Variants in ENOX2 observed in about 807,000 individuals in gnomAD.
ENOX2 encodes ecto-NOX disulfide-thiol exchanger 2.
A neutral mutation model predicts 45.0 loss-of-function variants in ENOX2; 36 were observed. The ratio of observed to expected loss-of-function variants is 0.80; its 90% confidence interval spans 0.61 to 1.06. The LOEUF is 1.06. ENOX2 is among the 50% of genes least tolerant of loss of function. The probability of loss-of-function intolerance (pLI) is 0.00; values close to 1 mark genes in which losing one functional copy is unlikely to be tolerated. For missense variants in ENOX2, 423 were observed against 462.5 expected (o/e 0.91, Z 0.78); for synonymous variants, 174 against 152.3 (o/e 1.14, Z -1.05).
chrX:130,839,613 C>A (rs2077981099), intron 2 of ENOX2, among the ~76,000 whole-genome samples: 1 of 111,390 alleles, frequency 9.0e-6, no homozygotes, highest in African/African-American at 3.3e-5. Context: ...TTATGCTTTA[C>A]AAAGATTATC....
chrX:130,824,045 T>A (rs1297225599), intron 2 of ENOX2, among the ~76,000 whole-genome samples: 1 of 112,249 alleles, frequency 8.9e-6, no homozygotes, highest in Non-Finnish European at 1.9e-5. Context: ...ATAAAACAAT[T>A]TCTTCACTTT....
chrX:130,716,993 A>G (rs1324754832), intron 3 of ENOX2, among the ~76,000 whole-genome samples: 1 of 112,225 alleles, frequency 8.9e-6, no homozygotes, highest in African/African-American at 3.2e-5. Flanking sequence ...GTTAAAAAAT[A>G]AAAGGCGTCT....
intron 10 of ENOX2, among the ~76,000 whole-genome samples, chrX:130,638,995 C>A (rs889261340): frequency 1.8e-5 from 2 of 111,192 alleles, no homozygotes; most frequent in Non-Finnish European, 3.8e-5. Flanking sequence ...TTGGAAAAAA[C>A]AAACAAACAA....
intron 9 of ENOX2, 110 bp downstream of exon 9, chrX:130,665,533 G>A (rs775246251): frequency 3.4e-5 from 18 of 534,246 alleles, no homozygotes; most frequent in Admixed American, 5.5e-5. Context: ...GGGCCTTATT[G>A]TGACCATGGG....
At chrX:130,656,966 T>C (rs1447102445) in intron 9 of ENOX2, among the ~76,000 whole-genome samples, 1 of 111,560 alleles carries the variant, frequency 9.0e-6, no homozygotes. Context: ...AGACAGTATT[T>C]TTGGCCATGA....
chrX:130,710,658 C>T lies in ENOX2; in HGVS notation c.-38-7404G>A, dbSNP rs138779185. Among the ~76,000 whole-genome samples, 441 of 111,769 alleles carry T rather than the reference C, an allele frequency of 3.9e-3. 2 individuals carry two copies. Among genetic ancestry groups the T allele is most frequent in the African/African-American group, 0.014 (426 of 30,727 alleles). On this transcript the variant is annotated intron_variant, in intron 3 of 14. Transcript: ENST00000394363. Reference sequence around the variant, plus strand: ...TTCTTACTGGAGAACGCCTTATACCCCTGGTTTCTTCCATAATCCTTTCCC... The same window carrying T: ...TTCTTACTGGAGAACGCCTTATACCTCTGGTTTCTTCCATAATCCTTTCCC...
chrX:130,640,047 T>G (rs925166103), intron 10 of ENOX2, among the ~76,000 whole-genome samples: 4 of 112,036 alleles, frequency 3.6e-5, no homozygotes, highest in Admixed American at 2.8e-4. Context: ...TCCTAGTTCA[T>G]AGATGGTAAC....
chrX:130,768,724 T>C (rs2039672502), intron 3 of ENOX2, among the ~76,000 whole-genome samples: 1 of 111,944 alleles, frequency 8.9e-6, no homozygotes. Context: ...GGGCTGCCAC[T>C]AACTTGCAAA....
In ENOX2 at chrX:130,869,205, T is replaced by C. The variant is rs779523963; in HGVS notation, c.-183+32479A>G. Among the ~76,000 whole-genome samples, 15 of 111,128 alleles carry C rather than the reference T, an allele frequency of 1.3e-4. No homozygotes were observed. In the South Asian group the frequency reaches 4.9e-3, roughly 36 times the overall value. ...GGACTACTGCAAATAGCCTTATAAC[T>C]GATCTTTCTGCCTCCATTTTTCACA... On this transcript the variant is annotated intron_variant, in intron 2 of 14. Transcript: ENST00000394363.
In ENOX2 at chrX:130,891,500, T is replaced by G. The variant is rs993480582; in HGVS notation, c.-183+10184A>C. On this transcript the variant is annotated intron_variant, in intron 2 of 14. Transcript: ENST00000394363. ...ATACAACACTATATGGTTTTTTTTT[T>G]TTTTTTTTTTTTTTTTTTGAGAAAG... 2.2e-4 allele frequency among the ~76,000 whole-genome samples: 20 copies of G among 92,517 alleles called. 1 individual carries two copies. Among genetic ancestry groups the G allele is most frequent in the African/African-American group, 5.2e-4 (13 of 24,796 alleles). 80.3% of individuals were successfully genotyped at this position (92,517 alleles called of 115,157 possible).
intron 2 of ENOX2, among the ~76,000 whole-genome samples, chrX:130,796,176 G>C (rs2077122753): frequency 9.0e-6 from 1 of 110,526 alleles, no homozygotes; most frequent in Non-Finnish European, 1.9e-5. Flanking sequence ...AGTGGCAGTG[G>C]GATGAAAAAA....
intron 2 of ENOX2, among the ~76,000 whole-genome samples, chrX:130,843,279 C>A (rs1247064053): frequency 9.0e-6 from 1 of 111,147 alleles, no homozygotes; most frequent in Non-Finnish European, 1.9e-5. Context: ...TATCCAGTAA[C>A]CGAGCCCTAC....
intron 3 of ENOX2, among the ~76,000 whole-genome samples, chrX:130,774,671 T>C: frequency 8.9e-6 from 1 of 112,026 alleles, no homozygotes; most frequent in Non-Finnish European, 1.9e-5. Context: ...AATGCTGAAA[T>C]GGCAGCAGAA....
intron 3 of ENOX2, among the ~76,000 whole-genome samples, chrX:130,719,522 C>T (rs1182233651): frequency 9.1e-6 from 1 of 110,348 alleles, no homozygotes; most frequent in Admixed American, 9.7e-5. Flanking sequence ...TTTGACCTTT[C>T]AGGTTGTAAG....
chrX:130,851,461 CT>C (rs746764945), intron 2 of ENOX2, among the ~76,000 whole-genome samples: 27 of 105,794 alleles, frequency 2.6e-4, no homozygotes, highest in African/African-American at 8.6e-4. Flanking sequence ...TTTTTTTTTT[CT>C]TTTTTTTCCT....
chrX:130,899,627 T>C, intron 2 of ENOX2, among the ~76,000 whole-genome samples: 1 of 112,097 alleles, frequency 8.9e-6, no homozygotes, highest in Admixed American at 9.4e-5. Context: ...ACATATGAGC[T>C]GAGTCTTAAA....
intron 10 of ENOX2, among the ~76,000 whole-genome samples, chrX:130,649,522 T>A (rs2036344743): frequency 8.9e-6 from 1 of 111,813 alleles, no homozygotes; most frequent in Non-Finnish European, 1.9e-5. Context: ...TGGTTAGAAG[T>A]ATCTTCTACT....
chrX:130,725,524 A>AC, intron 3 of ENOX2, among the ~76,000 whole-genome samples: 1 of 109,060 alleles, frequency 9.2e-6, no homozygotes, highest in Non-Finnish European at 1.9e-5. Context: ...TGACAGACCT[A>AC]CCCCACCTCA....
At chrX:130,851,680 G>A (rs2078213815) in intron 2 of ENOX2, among the ~76,000 whole-genome samples, 1 of 111,416 alleles carries the variant, frequency 9.0e-6, no homozygotes, top group African/African-American at 3.3e-5. Flanking sequence ...TCTAACAAAT[G>A]TAGACAGCCC....
Sources: gnomAD v4.1 joint callset for allele counts (sites outside exome capture counted in the v4.1 genomes callset) on GRCh38, gnomAD v4.1.1 for gene constraint, MANE v1.5 for transcripts, NCBI Gene and HGNC (gene_info 2026-07-23, HGNC 2026-07-21) for gene names.